Variants in TBC1D24 observed in about 807,000 individuals in gnomAD.
TBC1D24 encodes Infantile myoclonic epilepsy.
In TBC1D24, 47 loss-of-function variants were observed where a neutral mutation model predicts 50.7. The ratio of observed to expected loss-of-function variants is 0.93; its 90% CI spans 0.73 to 1.18. The LOEUF (loss-of-function observed/expected upper bound fraction) is 1.18. TBC1D24 is among the 50% of genes most tolerant of loss of function. The pLI is 0.00. For synonymous variants in TBC1D24, 324 were observed against 335.2 expected, an observed-to-expected ratio of 0.97 and a Z score of 0.36; for missense variants, 688 against 766.5, an observed-to-expected ratio of 0.90 and a Z score of 1.21.
intron 2 of TBC1D24, 35 bp downstream of exon 2, chr16:2,497,148 G>T: frequency 6.3e-7 from 1 of 1,598,574 alleles, no homozygotes; most frequent in Non-Finnish European, 8.5e-7. Flanking sequence ...GGTACACCCA[G>T]GGTCGGGGGC....
At position 2,496,933 on chromosome 16, in the gene TBC1D24, C is replaced by A; in HGVS notation, c.785C>A (p.Ser262Ter). 6.2e-7 allele frequency: 1 copy of A among 1,614,036 alleles called. No individual in the cohort carries two copies. The change falls in exon 2 of 8, where the codon TCG becomes TAG. Residue 262 changes from serine to a stop codon, truncating the protein, a stop_gained. Transcript: ENST00000646147. LOFTEE classifies it high-confidence loss of function. ...GTGAGGGCCGGGCAGCCGCTGGAGT[C>A]GGACAGCGTGAAGCAGGACATCCGC... ...HKVRAGQPLE[S>*]DSVKQDIRTF...
intron 3 of TBC1D24, 60 bp from the exon 4 acceptor site, chr16:2,498,178 G>T: frequency 6.5e-7 from 1 of 1,544,148 alleles, no homozygotes; most frequent in Non-Finnish European, 8.8e-7. Flanking sequence ...GCATACCTCG[G>T]GGGGCATGGC....
At position 2,485,756 on chromosome 16, in the gene TBC1D24, C is replaced by G. The variant is rs190778066; in HGVS notation, c.-115-10278C>G. ...CGCTGCAGAATGGATTGCTTGCTGCCGGGAGAAACCCCCGCATCTTCTGGG... is the reference window on the plus strand; with the variant it reads ...CGCTGCAGAATGGATTGCTTGCTGCGGGGAGAAACCCCCGCATCTTCTGGG... On this transcript the variant is annotated intron_variant, in intron 1 of 7. Transcript: ENST00000646147. The surrounding 1 kb of genome is among the most constrained non-coding windows in gnomAD (Gnocchi z 4.6). Among the ~76,000 whole-genome samples the G allele has an allele frequency of 2.6e-5, 4 of 152,248 alleles. No individual in the cohort carries two copies. The highest frequency in any genetic ancestry group is 5.9e-5 in the Non-Finnish European group (4 of 68,006).
intron 2 of TBC1D24, among the ~76,000 whole-genome samples, chr16:2,497,364 C>T (rs1188294296): frequency 6.6e-6 from 1 of 152,212 alleles, no homozygotes; most frequent in Non-Finnish European, 1.5e-5. Flanking sequence ...GCCATGGGGT[C>T]GCAAGGCATC....
In TBC1D24 at chr16:2,500,422, G is replaced by A. The variant is rs796053405; in HGVS notation, c.1457G>A (p.Arg486His). The A allele has an allele frequency of 5.0e-6, 8 of 1,601,846 alleles. No homozygotes were observed. Among genetic ancestry groups the A allele is most frequent in the Middle Eastern group, 1.7e-4 (1 of 6,048 alleles). The change falls in exon 7 of 8, where the codon CGC becomes CAC. Residue 486 changes from arginine to histidine, a missense_variant. Coordinates refer to ENST00000646147, the MANE Select transcript of TBC1D24 (RefSeq NM_001199107.2). The surrounding 1 kb of genome is among the most constrained non-coding windows in gnomAD (Gnocchi z 8.0). ...CGCCTCTCGCCCTTCCTGGCCGCTC[G>A]CCACTTCAACCTGCCCTCCAAGACC... ...ADRLSPFLAA[R>H]HFNLPSKTES...
At chr16:2,492,710 C>G (rs1456254937) in intron 1 of TBC1D24, among the ~76,000 whole-genome samples, 1 of 152,218 alleles carries the variant, frequency 6.6e-6, no homozygotes, top group Non-Finnish European at 1.5e-5. Context: ...TCACTGCCTT[C>G]CCTCCCAGGA....
At chr16:2,493,736 C>G (rs1189901338) in intron 1 of TBC1D24, 1 of 152,204 alleles carries the variant, frequency 6.6e-6, no homozygotes, top group Non-Finnish European at 1.5e-5. Flanking sequence ...GCAAACCTTG[C>G]ACTTCTGTGC....
At chr16:2,484,489 G>A (rs2065633918) in intron 1 of TBC1D24, 1 of 152,322 alleles carries the variant, frequency 6.6e-6, no homozygotes, top group African/African-American at 2.4e-5. Flanking sequence ...GCTCCCTGGG[G>A]CATGCGACCA....
Position 2,500,931 on chromosome 16 carries a change from G to T in TBC1D24, c.1653G>T (p.Trp551Cys), listed in dbSNP as rs1463796401. ...TCCTCATTGCTGCCGTGGAGGCCTG[G>T]GGCTTCCAGGACCCTGACACCCAGT... is the stretch of plus-strand genomic sequence containing the variant. ...ENFLIAAVEA[W>C]GFQDPDTQ is the part of the protein sequence containing the mutation. The change falls in exon 8 of 8, where the codon TGG becomes TGT. Residue 551 changes from tryptophan (W) to cysteine (C), a missense_variant. Physicochemically the swap from Trp to Cys is radical, Grantham distance 215 (BLOSUM62 -2). Coordinates refer to ENST00000646147, the MANE Select transcript of TBC1D24 (RefSeq NM_001199107.2). The surrounding 1 kb of genome is among the most constrained non-coding windows in gnomAD (Gnocchi z 8.0). 6.2e-7 allele frequency: 1 copy of T among 1,612,164 alleles called. No homozygotes were observed. The highest frequency in any genetic ancestry group is 1.1e-5 in the South Asian group (1 of 91,074).
chr16:2,492,262 GT>G (rs2141866089), intron 1 of TBC1D24, among the ~76,000 whole-genome samples: 1 of 152,174 alleles, frequency 6.6e-6, no homozygotes, highest in African/African-American at 2.4e-5. Flanking sequence ...GCTCCCTCGG[GT>G]CTTTTGCACA....
chr16:2,500,721 C>CAGGACAGCT lies in TBC1D24; in HGVS notation c.1526-82_1526-74dup. The CAGGACAGCT allele has an allele frequency of 6.6e-7, 1 of 1,513,902 alleles. No homozygotes were observed. Among genetic ancestry groups the CAGGACAGCT allele is most frequent in the Non-Finnish European group, 8.8e-7 (1 of 1,130,652 alleles). 93.8% of individuals were successfully genotyped at this position (1,513,902 alleles called of 1,614,324 possible). A position where few individuals can be genotyped will look rare whatever the true frequency, so the allele number is the denominator to read the frequency against. On this transcript the variant is annotated intron_variant, in intron 7 of 7. Coordinates refer to ENST00000646147, the MANE Select transcript of TBC1D24 (RefSeq NM_001199107.2). This position sits in a 1 kb window ranked among gnomAD's most constrained non-coding sequence, Gnocchi z 8.0. ...CGGTTTCAGAGAGGCCCGTGCAGGG[C>CAGGACAGCT]AGGACAGCTGGGACAGCAGGTGAGG...
In TBC1D24 at chr16:2,482,313, G is replaced by A. The variant is rs2065615920; in HGVS notation, c.-116+7143G>A. 6.6e-6 allele frequency: 1 copy of A among 152,450 alleles called. No individual in the cohort carries two copies. The highest frequency in any genetic ancestry group is 1.5e-5 in the Non-Finnish European group (1 of 68,194). 9.4% of individuals were successfully genotyped at this position (152,450 alleles called of 1,614,324 possible). On this transcript the variant is annotated intron_variant, in intron 1 of 7. Coordinates refer to ENST00000646147, the MANE Select transcript of TBC1D24 (RefSeq NM_001199107.2). The surrounding 1 kb of genome is among the most constrained non-coding windows in gnomAD (Gnocchi z 5.2). Reference sequence around the variant, plus strand: ...GGCTGGGTGGATAAGCCAGCACCACGATGGTGGGTGTGCTGGGCAAGGGTG... The same window carrying A: ...GGCTGGGTGGATAAGCCAGCACCACAATGGTGGGTGTGCTGGGCAAGGGTG...
At chr16:2,490,705 C>T (rs970142368) in intron 1 of TBC1D24, among the ~76,000 whole-genome samples, 7 of 152,172 alleles carry the variant, frequency 4.6e-5, no homozygotes, top group Non-Finnish European at 8.8e-5. Context: ...ACATGGCAAC[C>T]GCAGGTTAGG....
intron 4 of TBC1D24, 130 bp downstream of exon 4, chr16:2,498,526 C>A (rs576910588): frequency 6.7e-6 from 6 of 893,974 alleles, no homozygotes; most frequent in African/African-American, 5.1e-5. Context: ...GCCTAAGAAT[C>A]AGGGTCCCTT....
At position 2,475,209 on chromosome 16, in the gene TBC1D24, G is replaced by A. The variant is rs1249260928; in HGVS notation, c.-116+39G>A. On this transcript the variant is annotated intron_variant, in intron 1 of 7. Coordinates refer to ENST00000646147, the MANE Select transcript of TBC1D24 (RefSeq NM_001199107.2). This position sits in a 1 kb window ranked among gnomAD's most constrained non-coding sequence, Gnocchi z 4.2. ...GGGCGTGCGGGGGGCGCGCGGCGGGGTGGCGGGTGGCGGGGCCGGGTCCCC... is the reference window on the plus strand; with the variant it reads ...GGGCGTGCGGGGGGCGCGCGGCGGGATGGCGGGTGGCGGGGCCGGGTCCCC... 2 of 149,202 alleles carry A rather than the reference G, an allele frequency of 1.3e-5. No individual in the cohort carries two copies. The highest frequency in any genetic ancestry group is 2.4e-5 in the African/African-American group (1 of 41,044). 9.2% of individuals were successfully genotyped at this position (149,202 alleles called of 1,614,324 possible).
At chr16:2,480,357 C>T (rs1322126585) in intron 1 of TBC1D24, 1 of 152,048 alleles carries the variant, frequency 6.6e-6, no homozygotes, top group Non-Finnish European at 1.5e-5. Context: ...TCTTGAACTC[C>T]TGGCTCAAGG....
Position 2,499,855 on chromosome 16 carries a change from C to A in TBC1D24, c.1227C>A (p.Ser409=). The change falls in exon 6 of 8, where the codon TCC becomes TCA. Residue 409 remains serine (S), a synonymous_variant. Transcript: ENST00000646147. The surrounding 1 kb of genome is among the most constrained non-coding windows in gnomAD (Gnocchi z 4.0). Reference sequence around the variant, plus strand: ...CCCAGGTGTGTGGTGCTTACCTGTCCACAGACTGGAGTGAGAGAAATAAGT... The same window carrying A: ...CCCAGGTGTGTGGTGCTTACCTGTCAACAGACTGGAGTGAGAGAAATAAGT... The part of the protein sequence containing the change: ...TQKEVCGAYL[S]TDWSERNKFG... 6.2e-7 allele frequency: 1 copy of A among 1,614,106 alleles called. No individual in the cohort carries two copies. Among genetic ancestry groups the A allele is most frequent in the Non-Finnish European group, 8.5e-7 (1 of 1,179,996 alleles).
chr16:2,492,924 C>T (rs2065707342), intron 1 of TBC1D24, among the ~76,000 whole-genome samples: 1 of 151,760 alleles, frequency 6.6e-6, no homozygotes, highest in South Asian at 2.1e-4. Context: ...CAATCCCTGT[C>T]TCTACTAAAA....
chr16:2,487,619 T>C lies in TBC1D24; in HGVS notation c.-115-8415T>C, dbSNP rs962793816. Among the ~76,000 whole-genome samples, 1 of 149,430 alleles carries C rather than the reference T, an allele frequency of 6.7e-6. No individual in the cohort carries two copies. The highest frequency in any genetic ancestry group is 2.4e-5 in the African/African-American group (1 of 41,222). On this transcript the variant is annotated intron_variant, in intron 1 of 7. Coordinates refer to ENST00000646147, the MANE Select transcript of TBC1D24 (RefSeq NM_001199107.2). This position sits in a 1 kb window ranked among gnomAD's most constrained non-coding sequence, Gnocchi z 4.1. Reference sequence around the variant, plus strand: ...GGAGTTTGGTGCTGGAGTTTTGTGCTGGAGTTTGGTGTTGGAGTTTGGTGT... The same window carrying C: ...GGAGTTTGGTGCTGGAGTTTTGTGCCGGAGTTTGGTGTTGGAGTTTGGTGT...
Sources: gnomAD v4.1 joint callset for allele counts (sites outside exome capture counted in the v4.1 genomes callset) on GRCh38, gnomAD v4.1.1 for gene constraint, Gnocchi (gnomAD v3.1) non-coding constraint, MANE v1.5 for transcripts, NCBI Gene and HGNC (gene_info 2026-07-23, HGNC 2026-07-21) for gene names.